Variants in MGAM2 observed in about 807,000 individuals in gnomAD.
MGAM2 encodes maltase-glucoamylase 2 (putative).
A neutral mutation model predicts 96.1 loss-of-function variants in MGAM2; 98 were observed. That is an observed-to-expected ratio of 1.02 (90% CI 0.87 to 1.21). The LOEUF (loss-of-function observed/expected upper bound fraction) is 1.21. Among genes scored for constraint, MGAM2 ranks in the 50% most tolerant of loss-of-function variants. MGAM2 has a pLI of 0.00. For missense variants in MGAM2, 2,055 were observed against 1,182.4 expected, an observed-to-expected ratio of 1.74 and a Z score of -10.82; for synonymous variants, 749 against 414.8, an observed-to-expected ratio of 1.81 and a Z score of -9.79.
chr7:142,159,380 C>T (rs1313226892), intron 20 of MGAM2, 37 bp downstream of exon 20: 2 of 701,006 alleles, frequency 2.9e-6, no homozygotes, highest in Non-Finnish European at 5.2e-6. Flanking sequence ...ACAGACCTGC[C>T]TCTAGCAGAG....
intron 18 of MGAM2, 21 bp from the exon 19 acceptor site, chr7:142,158,227 A>G: frequency 1.4e-6 from 1 of 702,838 alleles, no homozygotes; most frequent in Non-Finnish European, 2.6e-6. Context: ...ACCTGCCTTC[A>G]CTGTGCTACC....
intron 19 of MGAM2, among the ~76,000 whole-genome samples, chr7:142,158,984 C>T (rs1003070504): frequency 5.9e-5 from 9 of 152,144 alleles, no homozygotes; most frequent in Non-Finnish European, 1.2e-4. Context: ...GGGAGGCTTT[C>T]CTGGGGCCTG....
At position 142,185,971 on chromosome 7, in the gene MGAM2, T is replaced by A. The variant is rs1017588330; in HGVS notation, c.3988-18T>A. On this transcript the variant is annotated intron_variant, in intron 34 of 47. Transcript: ENST00000477922. ...TAGGCTGAGACCCCGACAATGAGAG[T>A]GTGTGTTATTCTTACAGCTTTACAG... 2 of 701,914 alleles carry A rather than the reference T, an allele frequency of 2.8e-6. No individual in the cohort carries two copies. The highest frequency in any genetic ancestry group is 2.6e-6 in the Non-Finnish European group (1 of 384,472). 43.5% of individuals were successfully genotyped at this position (701,914 alleles called of 1,614,324 possible).
chr7:142,132,697 T>A (rs2129077787), intron 6 of MGAM2, among the ~76,000 whole-genome samples: 1 of 126,332 alleles, frequency 7.9e-6, no homozygotes, highest in South Asian at 2.3e-4. Context: ...ATTAATAATA[T>A]TAATTAATAT....
chr7:142,163,389 C>T (rs915963375), intron 23 of MGAM2, among the ~76,000 whole-genome samples: 1 of 152,198 alleles, frequency 6.6e-6, no homozygotes, highest in Non-Finnish European at 1.5e-5. Context: ...TCAAGAGATT[C>T]TCTTACCTGA....
At chr7:142,203,377 A>T (rs1362010386) in intron 45 of MGAM2, among the ~76,000 whole-genome samples, 2 of 152,164 alleles carry the variant, frequency 1.3e-5, no homozygotes, top group African/African-American at 4.8e-5. Context: ...ATCAGACAAG[A>T]CACATAAATG....
intron 33 of MGAM2, among the ~76,000 whole-genome samples, 156 bp downstream of exon 33, chr7:142,183,529 G>T (rs1159591538): frequency 6.6e-6 from 1 of 152,166 alleles, no homozygotes; most frequent in Admixed American, 6.5e-5. Flanking sequence ...GCATTAATAA[G>T]ACCAAGGTTA....
intron 32 of MGAM2, among the ~76,000 whole-genome samples, chr7:142,177,878 T>G (rs2129093038): frequency 1.3e-5 from 2 of 152,372 alleles, no homozygotes; most frequent in South Asian, 4.1e-4. Flanking sequence ...CCTTAGGGTA[T>G]ATACCCAGTA....
At position 142,220,071 on chromosome 7, in the gene MGAM2, A is replaced by G. The variant is rs749120945; in HGVS notation, c.5560A>G (p.Thr1854Ala). The stretch of plus-strand genomic sequence containing the variant: ...TGCCAGTGCAAATACTACCACTGGC[A>G]CTACTGATACTGTTCCTATCACAAC... ...SSASANTTTG[T>A]TDTVPITTTS... Residue 1854 changes from threonine to alanine, a missense_variant, in exon 48 of 48, where the codon ACT becomes GCT. By Grantham distance (58) the Thr-to-Ala change is moderately conservative (BLOSUM62 0). Coordinates refer to ENST00000477922, the MANE Select transcript of MGAM2 (RefSeq NM_001293626.2). 2.7e-5 allele frequency: 19 copies of G among 702,930 alleles called. No homozygotes were observed. The highest frequency in any genetic ancestry group is 4.4e-5 in the Non-Finnish European group (17 of 384,942). The allele number at this position is 702,930 out of a possible 1,614,324, so 43.5% of individuals were successfully genotyped here.
chr7:142,181,425 G>C (rs1302401784), intron 32 of MGAM2, among the ~76,000 whole-genome samples: 1 of 152,128 alleles, frequency 6.6e-6, no homozygotes. Flanking sequence ...TAAGAGTAAG[G>C]GCCAGAAGAT....
intron 6 of MGAM2, among the ~76,000 whole-genome samples, chr7:142,132,719 ATAATAT>A (rs985228590): frequency 6.3e-5 from 8 of 126,154 alleles, no homozygotes; most frequent in African/African-American, 2.5e-4. Flanking sequence ...ATTAATATTA[ATAATAT>A]TAATAGAAAT....
rs1414744744 is a variant in MGAM2 at position 142,161,091 on chromosome 7, A to G, written c.2346-34A>G. ...GGTTTCACATAGTTCCATCTCATCT[A>G]CATTCTCTGAAACTGGGAAGTACTC... On this transcript the variant is annotated intron_variant, in intron 21 of 47. Coordinates refer to ENST00000477922, the MANE Select transcript of MGAM2 (RefSeq NM_001293626.2). 2.3e-5 allele frequency: 16 copies of G among 700,988 alleles called. No homozygotes were observed. In the Admixed American group the frequency reaches 2.6e-4, roughly 11 times the overall value. 43.4% of individuals were successfully genotyped at this position (700,988 alleles called of 1,614,324 possible).
At position 142,221,107 on chromosome 7, in the gene MGAM2, C is replaced by G. The variant is rs1015320411; in HGVS notation, c.6596C>G (p.Ser2199Cys). 5.7e-6 allele frequency: 4 copies of G among 702,356 alleles called. No individual in the cohort carries two copies. Among genetic ancestry groups the G allele is most frequent in the African/African-American group, 1.7e-5 (1 of 57,172 alleles). 43.5% of individuals were successfully genotyped at this position (702,356 alleles called of 1,614,324 possible). A position where few individuals can be genotyped will look rare whatever the true frequency, so the allele number is the denominator to read the frequency against. ...TGVDTTSNSF[S>C]IMTTSFSEST... ...GTTGACACTACTAGCAACAGTTTTTCCATTATGACCACTTCTTTCTCTGAA... is the reference window on the plus strand; with the variant it reads ...GTTGACACTACTAGCAACAGTTTTTGCATTATGACCACTTCTTTCTCTGAA... Residue 2199 changes from serine to cysteine, a missense_variant, in exon 48 of 48, where the codon TCC becomes TGC. Physicochemically the swap from Ser to Cys is moderately radical, Grantham distance 112. Transcript: ENST00000477922.
At chr7:142,183,840 G>T (rs1406472324) in intron 33 of MGAM2, among the ~76,000 whole-genome samples, 1 of 151,420 alleles carries the variant, frequency 6.6e-6, no homozygotes, top group Admixed American at 6.6e-5. Context: ...CTGATTTTTG[G>T]CAATAGCATT....
At chr7:142,187,584 A>G (rs1796737068) in intron 35 of MGAM2, among the ~76,000 whole-genome samples, 166 bp from the exon 36 acceptor site, 1 of 152,172 alleles carries the variant, frequency 6.6e-6, no homozygotes. Context: ...ATTACACTAC[A>G]CATTTTTAGA....
chr7:142,171,213 G>A (rs767464726), intron 27 of MGAM2, 59 bp from the exon 28 acceptor site: 59 of 700,250 alleles, frequency 8.4e-5, no homozygotes, highest in South Asian at 4.3e-4. Context: ...TTCCAAACAC[G>A]TTCCAAGTAG....
intron 45 of MGAM2, among the ~76,000 whole-genome samples, chr7:142,207,703 A>G (rs1797452738): frequency 6.6e-6 from 1 of 152,274 alleles, no homozygotes; most frequent in Admixed American, 6.5e-5. Flanking sequence ...TGCTGGGATT[A>G]CAGTCGTGAG....
intron 7 of MGAM2, among the ~76,000 whole-genome samples, chr7:142,135,816 C>A (rs1019100145): frequency 1.3e-5 from 2 of 151,424 alleles, no homozygotes; most frequent in Non-Finnish European, 2.9e-5. Context: ...TTTTTTCTTT[C>A]TCTTTCTATC....
At chr7:142,141,792 G>C (rs571843659) in intron 12 of MGAM2, among the ~76,000 whole-genome samples, 1 of 152,132 alleles carries the variant, frequency 6.6e-6, no homozygotes, top group East Asian at 1.9e-4. Context: ...GAGCCACCAT[G>C]CCTAACCTAT....
Sources: gnomAD v4.1 joint callset for allele counts (sites outside exome capture counted in the v4.1 genomes callset) on GRCh38, gnomAD v4.1.1 for gene constraint, MANE v1.5 for transcripts, NCBI Gene and HGNC (gene_info 2026-07-23, HGNC 2026-07-21) for gene names.